The following CGRRF1 variants were observed in gnomAD, a reference collection of about 807,000 sequenced individuals.
CGRRF1 encodes the protein cell growth regulator with ring finger domain 1.
Under a neutral mutation model 37.2 loss-of-function variants are expected in CGRRF1, and 32 were observed. The observed-to-expected ratio is 0.86, with a 90% CI of 0.65 to 1.16. The LOEUF (loss-of-function observed/expected upper bound fraction) is 1.16, where lower values mean the gene tolerates loss of function less well. Among genes scored for constraint, CGRRF1 ranks in the 50% most tolerant of loss-of-function variants. The pLI is 0.00. For synonymous variants in CGRRF1, 141 were observed against 140.3 expected, an observed-to-expected ratio of 1.00 and a Z score of -0.04; for missense variants, 391 against 382.6, an observed-to-expected ratio of 1.02 and a Z score of -0.18.
chr14:54,536,035 C>T (rs1415093002), intron 4 of CGRRF1: 6 of 152,202 alleles, frequency 3.9e-5, no homozygotes, highest in Admixed American at 3.9e-4. Context: ...GAAATATACT[C>T]ATGTTGTTTT....
chr14:54,510,038 G>C lies in CGRRF1; in HGVS notation c.79G>C (p.Val27Leu), dbSNP rs776621009. 1 of 1,612,678 alleles carries C rather than the reference G, an allele frequency of 6.2e-7. No individual in the cohort carries two copies. The highest frequency in any genetic ancestry group is 8.5e-7 in the Non-Finnish European group (1 of 1,178,812). ...CGCGGTGGTCTTTACCTGCTTCATC[G>C]TGACCACCGGCCTGGTATTGGGATG... is the stretch of plus-strand genomic sequence containing the variant. ...YIAVVFTCFI[V>L]TTGLVLGWFG... The change falls in exon 1 of 6, where the codon GTG (valine) becomes CTG (leucine). Residue 27 changes from valine (V) to leucine (L), a missense_variant. Physicochemically the swap from Val to Leu is conservative, Grantham distance 32. Coordinates refer to ENST00000216420, the MANE Select transcript of CGRRF1 (RefSeq NM_006568.3).
At position 54,522,535 on chromosome 14, in the gene CGRRF1, AC is replaced by A. The variant is rs753729580; in HGVS notation, c.187del (p.Gln63LysfsTer8). On this transcript the variant is annotated frameshift_variant, in exon 2 of 6. Transcript: ENST00000216420. LOFTEE classifies it high-confidence loss of function. Reference sequence around the variant, plus strand: ...CAAGAGTTTTCAAAAAGCAAATGAGACAAGTCAAGAATCCTTTTGGCTTAGA... The same window carrying A: ...CAAGAGTTTTCAAAAAGCAAATGAGAAAGTCAAGAATCCTTTTGGCTTAGA... ...STRVFKKQMRQVKNPFGLEIT... is the reference protein window; with the variant it reads ...STRVFKKQMRXVKNPFGLEIT... The A allele has an allele frequency of 6.2e-7, 1 of 1,608,346 alleles. No homozygotes were observed.
intron 2 of CGRRF1, among the ~76,000 whole-genome samples, chr14:54,525,799 T>C (rs2032401585): frequency 6.6e-6 from 1 of 152,176 alleles, no homozygotes. Context: ...CTGATTTAAC[T>C]TGAAAATAAA....
At chr14:54,531,164 C>T (rs2032508861) in intron 4 of CGRRF1, 114 bp downstream of exon 4, 4 of 820,186 alleles carry the variant, frequency 4.9e-6, no homozygotes, top group East Asian at 5.4e-5. Context: ...TGCATTTGGC[C>T]TACAACAACT....
In CGRRF1 at chr14:54,509,951, A is replaced by G. The variant is rs117211305; in HGVS notation, c.-9A>G. 20,925 of 1,605,030 alleles carry G rather than the reference A, an allele frequency of 0.013. 162 individuals carry two copies. Among genetic ancestry groups the G allele is most frequent in the Non-Finnish European group, 0.016 (18,543 of 1,171,752 alleles). On this transcript the variant is annotated 5_prime_UTR_variant, in exon 1 of 6. Transcript: ENST00000216420. ...GCTGGAGCCGGGCTCTACCCAGAGC[A>G]AGACCCTGATGGCTGCGGTGTTTCT...
chr14:54,531,604 C>A (rs17127624), intron 4 of CGRRF1, among the ~76,000 whole-genome samples: 2 of 151,902 alleles, frequency 1.3e-5, no homozygotes, highest in African/African-American at 4.8e-5. Context: ...CTTTTTTTGC[C>A]TGCTTGCAGT....
chr14:54,524,788 C>T lies in CGRRF1; in HGVS notation c.244+2195C>T, dbSNP rs1243406121. On this transcript the variant is annotated intron_variant, in intron 2 of 5. Coordinates refer to ENST00000216420, the MANE Select transcript of CGRRF1 (RefSeq NM_006568.3). ...CTAGGATCTCGGCCACTCCCCTCCC[C>T]GCTCCTTCCCTATAATAGATAACAG... Among the ~76,000 whole-genome samples, 10 of 152,268 alleles carry T rather than the reference C, an allele frequency of 6.6e-5. No homozygotes were observed. The South Asian group carries it at 1.5e-3, about 22-fold the overall frequency.
At position 54,531,498 on chromosome 14, in the gene CGRRF1, G is replaced by A. The variant is rs141702982; in HGVS notation, c.570+448G>A. Among the ~76,000 whole-genome samples, 3 of 152,202 alleles carry A rather than the reference G, an allele frequency of 2.0e-5. No individual in the cohort carries two copies. The East Asian group carries it at 5.8e-4, about 29-fold the overall frequency. ...CTGTCATATTTGCTGTATAGAAACAGTCTGTTGGGAAGCATGTTTATTCTG... is the reference window on the plus strand; with the variant it reads ...CTGTCATATTTGCTGTATAGAAACAATCTGTTGGGAAGCATGTTTATTCTG... On this transcript the variant is annotated intron_variant, in intron 4 of 5. Coordinates refer to ENST00000216420, the MANE Select transcript of CGRRF1 (RefSeq NM_006568.3).
chr14:54,537,988 G>A lies in CGRRF1; in HGVS notation c.679-75G>A. On this transcript the variant is annotated intron_variant, in intron 5 of 5. Coordinates refer to ENST00000216420, the MANE Select transcript of CGRRF1 (RefSeq NM_006568.3). ...TTTGCTAGCTCATAAATTTTAAGCCGCTTCTTATGACCCCCAATTTTAAAG... is the reference window on the plus strand; with the variant it reads ...TTTGCTAGCTCATAAATTTTAAGCCACTTCTTATGACCCCCAATTTTAAAG... 4.1e-6 allele frequency: 6 copies of A among 1,452,318 alleles called. No individual in the cohort carries two copies. In the South Asian group the frequency reaches 5.7e-5, roughly 14 times the overall value. 90.0% of individuals were successfully genotyped at this position (1,452,318 alleles called of 1,614,324 possible).
At chr14:54,518,294 C>T (rs1273046326) in intron 1 of CGRRF1, among the ~76,000 whole-genome samples, 1 of 152,074 alleles carries the variant, frequency 6.6e-6, no homozygotes, top group Non-Finnish European at 1.5e-5. Flanking sequence ...GCCTGTAATC[C>T]TAGCACTTTG....
intron 1 of CGRRF1, among the ~76,000 whole-genome samples, chr14:54,514,858 C>T (rs2032189590): frequency 6.6e-6 from 1 of 151,982 alleles, no homozygotes; most frequent in Non-Finnish European, 1.5e-5. Flanking sequence ...TTTTCTTGAC[C>T]TCTAAGTTAT....
chr14:54,519,720 C>T lies in CGRRF1; in HGVS notation c.105-2734C>T, dbSNP rs554574231. On this transcript the variant is annotated intron_variant, in intron 1 of 5. Coordinates refer to ENST00000216420, the MANE Select transcript of CGRRF1 (RefSeq NM_006568.3). ...CCACTGTCTGCTGCCAGACTGAGAA[C>T]CATGAAACCATGGCATAGCCTTACT... Among the ~76,000 whole-genome samples, 15 of 152,318 alleles carry T rather than the reference C, an allele frequency of 9.8e-5. No individual in the cohort carries two copies. In the South Asian group the frequency reaches 2.9e-3, roughly 29 times the overall value.
chr14:54,532,216 C>G (rs915492212), intron 4 of CGRRF1, among the ~76,000 whole-genome samples: 14 of 152,220 alleles, frequency 9.2e-5, no homozygotes, highest in African/African-American at 2.9e-4. Context: ...GGTAAAGACT[C>G]TTTGGGAAAT....
At chr14:54,523,820 A>T (rs2032362738) in intron 2 of CGRRF1, among the ~76,000 whole-genome samples, 1 of 152,166 alleles carries the variant, frequency 6.6e-6, no homozygotes, top group Non-Finnish European at 1.5e-5. Context: ...GTTCAATAGA[A>T]ATAAAGAGTA....
intron 2 of CGRRF1, among the ~76,000 whole-genome samples, chr14:54,524,385 G>GT (rs530976044): frequency 0.021 from 2,759 of 131,606 alleles, 62 homozygotes; most frequent in African/African-American, 0.054. Context: ...AAAAATATAT[G>GT]TTTTTTTTTT....
chr14:54,532,797 G>A (rs1187620763), intron 4 of CGRRF1, among the ~76,000 whole-genome samples: 1 of 151,536 alleles, frequency 6.6e-6, no homozygotes, highest in Non-Finnish European at 1.5e-5. Context: ...GCACCTTAGC[G>A]TGCATGAGAG....
At chr14:54,522,745 A>C in intron 2 of CGRRF1, 152 bp downstream of exon 2, 2 of 670,892 alleles carry the variant, frequency 3.0e-6, no homozygotes, top group Non-Finnish European at 4.9e-6. Context: ...TGTATATGAC[A>C]GATACAAAGA....
chr14:54,530,388 C>CT (rs1375002984), intron 3 of CGRRF1, 162 bp downstream of exon 3: 1 of 929,482 alleles, frequency 1.1e-6, no homozygotes, highest in African/African-American at 1.7e-5. Context: ...GTGAATATCT[C>CT]TATCAGGAAC....
chr14:54,526,754 G>A (rs1485176463), intron 2 of CGRRF1, among the ~76,000 whole-genome samples: 1 of 152,054 alleles, frequency 6.6e-6, no homozygotes, highest in East Asian at 1.9e-4. Context: ...AAGCAAAAGG[G>A]TTAGAAAAAA....
Sources: gnomAD v4.1 joint callset for allele counts (sites outside exome capture counted in the v4.1 genomes callset) on GRCh38, gnomAD v4.1.1 for gene constraint, MANE v1.5 for transcripts, NCBI Gene and HGNC (gene_info 2026-07-23, HGNC 2026-07-21) for gene names.